Variants in TATDN2 observed in about 807,000 individuals in gnomAD.
TATDN2 encodes 3'-5' RNA nuclease TATDN2.
A neutral mutation model predicts 60.3 loss-of-function variants in TATDN2; 44 were observed. That is an observed-to-expected ratio of 0.73 (90% CI 0.57 to 0.94). The LOEUF is 0.94. Ranked by LOEUF, TATDN2 falls within the 40% of genes least tolerant of loss-of-function variation. The pLI, the probability that TATDN2 is intolerant of heterozygous loss-of-function variation, is 0.00. For missense variants in TATDN2, 997 were observed against 948.0 expected (o/e 1.05, Z -0.68); for synonymous variants, 399 against 355.8 (o/e 1.12, Z -1.37).
chr3:10,250,100 G>A (rs1424928925), intron 2 of TATDN2, among the ~76,000 whole-genome samples: 2 of 151,738 alleles, frequency 1.3e-5, no homozygotes, highest in Non-Finnish European at 1.5e-5. Flanking sequence ...CAAGAATTGC[G>A]GTTCTTGGTG....
rs900108401 is a variant in TATDN2, at chr3:10,280,990, G to C, written c.*1808G>C. 1 of 152,272 alleles carries C rather than the reference G, an allele frequency of 6.6e-6. No individual in the cohort carries two copies. Among genetic ancestry groups the C allele is most frequent in the South Asian group, 2.1e-4 (1 of 4,836 alleles). 9.4% of individuals were successfully genotyped at this position (152,272 alleles called of 1,614,324 possible). A position where few individuals can be genotyped will look rare whatever the true frequency, so the allele number is the denominator to read the frequency against. On this transcript the variant is annotated 3_prime_UTR_variant, in exon 8 of 8. Coordinates refer to ENST00000448281, the MANE Select transcript of TATDN2 (RefSeq NM_014760.4). ...CAAGCCTGTGCCATCCACCTGCCAAGGAAAAGCACAAGGTGCTATCTACTT... is the reference window on the plus strand; with the variant it reads ...CAAGCCTGTGCCATCCACCTGCCAACGAAAAGCACAAGGTGCTATCTACTT...
intron 2 of TATDN2, among the ~76,000 whole-genome samples, chr3:10,252,150 A>C (rs527358899): frequency 0.015 from 2,238 of 147,262 alleles, 27 homozygotes; most frequent in African/African-American, 0.053. Context: ...TCAGTCTCAA[A>C]AAAAAAAAAA....
chr3:10,269,370 C>G (rs1361214046), intron 3 of TATDN2, among the ~76,000 whole-genome samples: 2 of 152,222 alleles, frequency 1.3e-5, no homozygotes, highest in African/African-American at 4.8e-5. Context: ...ATAGACCCCA[C>G]TCTCAATGGG....
intron 2 of TATDN2, among the ~76,000 whole-genome samples, chr3:10,257,517 T>A (rs865803493): frequency 7.0e-6 from 1 of 143,632 alleles, no homozygotes; most frequent in Non-Finnish European, 1.5e-5. Flanking sequence ...TAATCCCAGG[T>A]ACTTGGGAGG....
chr3:10,266,931 CT>C (rs199956355), intron 3 of TATDN2, among the ~76,000 whole-genome samples: 34,071 of 126,714 alleles, frequency 0.27, 4,255 homozygotes, highest in East Asian at 0.53. Context: ...CTAAGGCAGT[CT>C]TTTTTTTTTT....
intron 3 of TATDN2, among the ~76,000 whole-genome samples, chr3:10,268,421 CAT>C (rs377010275): frequency 9.2e-5 from 14 of 152,190 alleles, no homozygotes; most frequent in African/African-American, 3.4e-4. Context: ...TACATATACT[CAT>C]AAAAGTATTA....
intron 3 of TATDN2, among the ~76,000 whole-genome samples, chr3:10,266,795 A>G (rs1394101033): frequency 6.6e-6 from 1 of 152,192 alleles, no homozygotes; most frequent in Non-Finnish European, 1.5e-5. Flanking sequence ...TCTTTAGCCT[A>G]GAAATGTTCT....
chr3:10,251,451 T>A (rs1296364757), intron 2 of TATDN2, among the ~76,000 whole-genome samples: 1 of 152,114 alleles, frequency 6.6e-6, no homozygotes, highest in Non-Finnish European at 1.5e-5. Context: ...AGTGGCATGA[T>A]CTCTGCTCAC....
At chr3:10,255,936 GTC>G (rs1698302144) in intron 2 of TATDN2, among the ~76,000 whole-genome samples, 1 of 152,006 alleles carries the variant, frequency 6.6e-6, no homozygotes, top group African/African-American at 2.4e-5. Flanking sequence ...GAGTGAGACT[GTC>G]TCAGAAAATA....
chr3:10,256,286 G>T (rs1052052075), intron 2 of TATDN2, among the ~76,000 whole-genome samples: 1 of 151,990 alleles, frequency 6.6e-6, no homozygotes, highest in Non-Finnish European at 1.5e-5. Flanking sequence ...CAATCCTTCT[G>T]TCTCAGCTCC....
chr3:10,252,033 A>G (rs1418273405), intron 2 of TATDN2, among the ~76,000 whole-genome samples: 2 of 150,986 alleles, frequency 1.3e-5, no homozygotes, highest in Non-Finnish European at 2.9e-5. Flanking sequence ...CTGTAGTCCC[A>G]GCCACTTGGG....
chr3:10,267,259 C>T (rs571194528), intron 3 of TATDN2, among the ~76,000 whole-genome samples: 3 of 151,658 alleles, frequency 2.0e-5, no homozygotes, highest in Non-Finnish European at 4.4e-5. Flanking sequence ...TCCTATTTCC[C>T]CCACACCCCC....
intron 2 of TATDN2, among the ~76,000 whole-genome samples, chr3:10,257,437 C>G (rs889367793): frequency 2.0e-5 from 3 of 150,414 alleles, no homozygotes; most frequent in African/African-American, 7.3e-5. Context: ...TCAAGACCAG[C>G]CTGGCCAACA....
chr3:10,260,610 C>G lies in TATDN2; in HGVS notation c.888C>G (p.Asp296Glu). The change falls in exon 3 of 8, where the codon GAC (aspartate) becomes GAG (glutamate). Residue 296 changes from aspartate to glutamate, a missense_variant. Asp to Glu is a conservative substitution (Grantham distance 45). Coordinates refer to ENST00000448281, the MANE Select transcript of TATDN2 (RefSeq NM_014760.4). ...TTGGGGACCGAAGGACTGTCATTGA[C>G]AAATGCTCTCCACCCCTAGAGTTCT... Reference protein sequence around the residue: ...EPLGDRRTVIDKCSPPLEFLD... With the variant: ...EPLGDRRTVIEKCSPPLEFLD... 6.2e-7 allele frequency: 1 copy of G among 1,614,172 alleles called. No homozygotes were observed. The highest frequency in any genetic ancestry group is 1.1e-5 in the South Asian group (1 of 91,084).
In TATDN2 at chr3:10,270,325, C is replaced by T; in HGVS notation, c.1143C>T (p.Asp381=). The change falls in exon 4 of 8, where the codon GAC becomes GAT. Residue 381 remains aspartate, a synonymous_variant. Coordinates refer to ENST00000448281, the MANE Select transcript of TATDN2 (RefSeq NM_014760.4). ...ATTTGTACAGTAGTCCTTGGTGTGA[C>T]TACGCCAGCTATTGGACCAGCAGCC... is the stretch of plus-strand genomic sequence containing the variant. ...PPHLYSSPWC[D]YASYWTSSPK... is the part of the protein sequence containing the mutation. 2 of 1,614,210 alleles carry T rather than the reference C, an allele frequency of 1.2e-6. No individual in the cohort carries two copies. Among genetic ancestry groups the T allele is most frequent in the Non-Finnish European group, 1.7e-6 (2 of 1,180,052 alleles).
At chr3:10,277,552 G>A (rs542523299) in intron 5 of TATDN2, among the ~76,000 whole-genome samples, 1 of 152,332 alleles carries the variant, frequency 6.6e-6, no homozygotes, top group African/African-American at 2.4e-5. Flanking sequence ...ATCGGGTCTT[G>A]TCAGATGGCA....
Position 10,270,299 on chromosome 3 carries a change from C to G in TATDN2, c.1117C>G (p.His373Asp). 1 of 1,614,216 alleles carries G rather than the reference C, an allele frequency of 6.2e-7. No individual in the cohort carries two copies. Among genetic ancestry groups the G allele is most frequent in the Non-Finnish European group, 8.5e-7 (1 of 1,180,044 alleles). The change falls in exon 4 of 8, where the codon CAT (histidine) becomes GAT (aspartate). Residue 373 changes from histidine to aspartate, a missense_variant. Physicochemically the swap from His to Asp is moderately conservative, Grantham distance 81 (BLOSUM62 -1). Transcript: ENST00000448281. The stretch of plus-strand genomic sequence containing the variant: ...CACCGACTATGTCATGTACCCTCCT[C>G]ATTTGTACAGTAGTCCTTGGTGTGA... Reference protein sequence around the residue: ...FTTDYVMYPPHLYSSPWCDYA... With the variant: ...FTTDYVMYPPDLYSSPWCDYA...
intron 2 of TATDN2, among the ~76,000 whole-genome samples, chr3:10,251,655 G>T (rs1318772623): frequency 6.6e-6 from 1 of 151,902 alleles, no homozygotes. Context: ...CAAAGTGCTG[G>T]GATTACAGGT....
intron 3 of TATDN2, among the ~76,000 whole-genome samples, chr3:10,269,784 C>G (rs3843379): frequency 0.022 from 3,335 of 152,270 alleles, 115 homozygotes; most frequent in African/African-American, 0.075. Context: ...AAGCTGGGCA[C>G]TGCTTTTCTC....
Sources: allele counts gnomAD v4.1 joint callset (sites outside exome capture counted in the v4.1 genomes callset), GRCh38; gene constraint gnomAD v4.1.1; transcripts MANE v1.5; gene names NCBI Gene and HGNC (gene_info 2026-07-23, HGNC 2026-07-21).